The following C14orf180 variants were observed in gnomAD, a reference collection of about 807,000 sequenced individuals.
C14orf180 encodes nutritionally-regulated adipose and cardiac enriched protein homolog.
Under a neutral mutation model 13.9 loss-of-function variants are expected in C14orf180, and 13 were observed. The observed-to-expected ratio is 0.94, with a 90% CI of 0.61 to 1.49. The LOEUF (loss-of-function observed/expected upper bound fraction) is 1.49. Ranked by LOEUF, C14orf180 falls within the 40% of genes most tolerant of loss-of-function variation. The pLI is 0.00. For missense variants in C14orf180, 238 were observed against 232.0 expected (o/e 1.03, Z -0.17); for synonymous variants, 113 against 106.3 (o/e 1.06, Z -0.39).
rs778944156 is a variant in C14orf180 at position 104,588,573 on chromosome 14, C to T, written c.278-5C>T. The T allele has an allele frequency of 1.4e-4, 197 of 1,442,766 alleles. 1 individual carries two copies. The highest frequency in any genetic ancestry group is 4.6e-4 in the Middle Eastern group (2 of 4,344). The allele number at this position is 1,442,766 out of a possible 1,614,324, so 89.4% of individuals were successfully genotyped here. On this transcript the variant is annotated splice_polypyrimidine_tract_variant and splice_region_variant and intron_variant, in intron 4 of 4. Transcript: ENST00000557649. ...GCGCTGACCCTGCCTGCCCTCTGGC[C>T]GCAGTGCCCGGCCGGCCCAGGCCAC...
At chr14:104,586,366 G>A in intron 1 of C14orf180, 49 bp from the exon 2 acceptor site, 1 of 1,203,486 alleles carries the variant, frequency 8.3e-7, no homozygotes, top group Non-Finnish European at 1.1e-6. Context: ...TCATTCCTCT[G>A]AGTGCCACTT....
chr14:104,582,972 T>C (rs1886489352), intron 1 of C14orf180, among the ~76,000 whole-genome samples: 1 of 147,280 alleles, frequency 6.8e-6, no homozygotes, highest in South Asian at 2.1e-4. Flanking sequence ...CCCAGGGAGG[T>C]CACACCACTT....
chr14:104,588,844 G>T lies in C14orf180; in HGVS notation c.*61G>T. On this transcript the variant is annotated 3_prime_UTR_variant, in exon 5 of 5. Coordinates refer to ENST00000557649, the MANE Select transcript of C14orf180 (RefSeq NM_001008404.3). ...AGAGCTCAAGCACTCCGGGGGCTCCGAGACAGCCTGAGCCCTGGCCCTGCT... is the reference window on the plus strand; with the variant it reads ...AGAGCTCAAGCACTCCGGGGGCTCCTAGACAGCCTGAGCCCTGGCCCTGCT... 8.6e-6 allele frequency: 13 copies of T among 1,518,462 alleles called. No individual in the cohort carries two copies. Among genetic ancestry groups the T allele is most frequent in the Non-Finnish European group, 1.1e-5 (13 of 1,135,958 alleles). 94.1% of individuals were successfully genotyped at this position (1,518,462 alleles called of 1,614,324 possible). A position where few individuals can be genotyped will look rare whatever the true frequency, so the allele number is the denominator to read the frequency against.
intron 1 of C14orf180, among the ~76,000 whole-genome samples, chr14:104,580,648 C>A (rs1463936180): frequency 6.6e-6 from 1 of 152,238 alleles, no homozygotes; most frequent in Non-Finnish European, 1.5e-5. Flanking sequence ...GTTTGGGAAT[C>A]CCTGAGAACT....
intron 2 of C14orf180, 28 bp downstream of exon 2, chr14:104,586,569 C>A: frequency 1.4e-6 from 2 of 1,428,238 alleles, no homozygotes; most frequent in Non-Finnish European, 1.9e-6. Flanking sequence ...GACACAGCTT[C>A]TGCAAGCTGG....
At chr14:104,588,202 G>A (rs1411032783) in intron 3 of C14orf180, 72 bp from the exon 4 acceptor site, 2 of 1,584,712 alleles carry the variant, frequency 1.3e-6, no homozygotes, top group Non-Finnish European at 1.7e-6. Context: ...GGTGCAGGGT[G>A]AGACGAGAGG....
intron 1 of C14orf180, among the ~76,000 whole-genome samples, chr14:104,582,206 G>A (rs954020486): frequency 3.9e-5 from 6 of 152,194 alleles, no homozygotes; most frequent in African/African-American, 1.2e-4. Flanking sequence ...GGAAGCCAGC[G>A]GGCGGCGTCC....
At chr14:104,587,641 C>A in intron 2 of C14orf180, 108 bp from the exon 3 acceptor site, 1 of 1,157,116 alleles carries the variant, frequency 8.6e-7, no homozygotes, top group South Asian at 1.5e-5. Context: ...CCAGCCAGGA[C>A]AGGGTACAGG....
chr14:104,586,562 A>G (rs2140463992), intron 2 of C14orf180, 21 bp downstream of exon 2: 1 of 1,458,684 alleles, frequency 6.9e-7, no homozygotes, highest in East Asian at 2.6e-5. Context: ...CCGCTGGGAC[A>G]CAGCTTCTGC....
In C14orf180 at chr14:104,589,232, G is replaced by T; in HGVS notation, c.*449G>T. ...GCAAACCCAGCCTTTTGCGATTATGGCTTGTGGGGAATCCAGACCTCGAAA... is the reference window on the plus strand; with the variant it reads ...GCAAACCCAGCCTTTTGCGATTATGTCTTGTGGGGAATCCAGACCTCGAAA... On this transcript the variant is annotated 3_prime_UTR_variant, in exon 5 of 5. Transcript: ENST00000557649. This position sits in a 1 kb window ranked among gnomAD's most constrained non-coding sequence, Gnocchi z 4.9. The T allele has an allele frequency of 3.9e-6, 1 of 255,178 alleles. No individual in the cohort carries two copies. The highest frequency in any genetic ancestry group is 7.4e-6 in the Non-Finnish European group (1 of 135,560). 15.8% of individuals were successfully genotyped at this position (255,178 alleles called of 1,614,324 possible).
At chr14:104,582,343 G>C (rs1011799541) in intron 1 of C14orf180, among the ~76,000 whole-genome samples, 3 of 152,110 alleles carry the variant, frequency 2.0e-5, no homozygotes, top group Admixed American at 6.5e-5. Flanking sequence ...CTGGTCTCGA[G>C]GGGGAGGGAC....
Position 104,587,735 on chromosome 14 carries a change from C to T in C14orf180, c.112-14C>T, listed in dbSNP as rs757387751. ...GCCGGGGACTCACCAGTCTGCTTCC[C>T]GCCCCCACACCAGGAGGACAACAGG... On this transcript the variant is annotated splice_polypyrimidine_tract_variant and intron_variant, in intron 2 of 4. Transcript: ENST00000557649. 9.3e-6 allele frequency: 15 copies of T among 1,610,844 alleles called. No homozygotes were observed. The East Asian group carries it at 1.1e-4, about 12-fold the overall frequency.
chr14:104,582,219 G>A (rs1188904061), intron 1 of C14orf180, among the ~76,000 whole-genome samples: 3 of 152,186 alleles, frequency 2.0e-5, no homozygotes, highest in Non-Finnish European at 4.4e-5. Context: ...CGGCGTCCTG[G>A]AGGACGGGGC....
At chr14:104,584,925 G>T (rs1013698870) in intron 1 of C14orf180, among the ~76,000 whole-genome samples, 1 of 152,166 alleles carries the variant, frequency 6.6e-6, no homozygotes, top group African/African-American at 2.4e-5. Flanking sequence ...TGTAGAGGAC[G>T]GCACACGGCT....
At chr14:104,583,088 C>T (rs759898155) in intron 1 of C14orf180, among the ~76,000 whole-genome samples, 1 of 152,212 alleles carries the variant, frequency 6.6e-6, no homozygotes, top group African/African-American at 2.4e-5. Context: ...TGGCAGGGCT[C>T]AGGGAGGCTG....
At chr14:104,587,960 G>A in intron 3 of C14orf180, 82 bp downstream of exon 3, 1 of 1,480,004 alleles carries the variant, frequency 6.8e-7, no homozygotes, top group Admixed American at 2.2e-5. Flanking sequence ...CACCCACACA[G>A]CTCTGGCAGG....
intron 1 of C14orf180, among the ~76,000 whole-genome samples, chr14:104,583,602 G>A (rs537387779): frequency 2.0e-5 from 3 of 152,278 alleles, no homozygotes; most frequent in South Asian, 2.1e-4. Flanking sequence ...CCTGAAGAGG[G>A]GGAGGTGCTG....
At chr14:104,588,021 T>C (rs1446556087) in intron 3 of C14orf180, 143 bp downstream of exon 3, 1 of 1,132,152 alleles carries the variant, frequency 8.8e-7, no homozygotes, top group Non-Finnish European at 1.2e-6. Flanking sequence ...CCACAACCCC[T>C]GTAAGACCTG....
intron 2 of C14orf180, among the ~76,000 whole-genome samples, chr14:104,587,278 C>T (rs1278839830): frequency 1.3e-5 from 2 of 152,024 alleles, no homozygotes; most frequent in Non-Finnish European, 2.9e-5. Flanking sequence ...CCGCCTGCAG[C>T]CTGGGAGGCT....
Sources: allele counts gnomAD v4.1 joint callset (sites outside exome capture counted in the v4.1 genomes callset), GRCh38; gene constraint gnomAD v4.1.1; non-coding constraint Gnocchi (gnomAD v3.1); transcripts MANE v1.5; gene names NCBI Gene and HGNC (gene_info 2026-07-23, HGNC 2026-07-21).